The following MRPL21 variants were observed in gnomAD, a reference collection of about 807,000 sequenced individuals.
MRPL21 encodes large ribosomal subunit protein bL21m.
MRPL21 carries 20 observed loss-of-function variants against 27.3 expected under a neutral mutation model. The observed-to-expected ratio is 0.73, with a 90% confidence interval of 0.52 to 1.06. MRPL21 has a LOEUF of 1.06. Among genes scored for constraint, MRPL21 ranks in the 50% least tolerant of loss-of-function variants. The probability of loss-of-function intolerance (pLI) is 0.00; values close to 1 mark genes in which losing one functional copy is unlikely to be tolerated. For missense variants in MRPL21, 249 were observed against 251.4 expected (o/e 0.99, Z 0.06); for synonymous variants, 98 against 101.5 (o/e 0.97, Z 0.21).
rs1297591361 is a variant in MRPL21, at chr11:68,893,466, C to A, written c.397-11G>T. The A allele has an allele frequency of 2.5e-6, 4 of 1,614,176 alleles. No homozygotes were observed. Among genetic ancestry groups the A allele is most frequent in the Non-Finnish European group, 3.4e-6 (4 of 1,180,034 alleles). The stretch of plus-strand genomic sequence containing the variant: ...CCCAACCAGCAGGACCTGAAAAATT[C>A]AACAGGTGTGTTTCATCAGTGGCTC... On this transcript the variant is annotated splice_polypyrimidine_tract_variant and intron_variant, in intron 4 of 6. Transcript: ENST00000362034.
At chr11:68,891,834 C>T (rs989834165) in intron 6 of MRPL21, 13 of 469,264 alleles carry the variant, frequency 2.8e-5, no homozygotes, top group East Asian at 9.2e-5. Context: ...TGGTTTAGGC[C>T]GGCAACTGCA....
intron 2 of MRPL21, among the ~76,000 whole-genome samples, chr11:68,898,285 G>A (rs1002657770): frequency 6.6e-6 from 1 of 152,226 alleles, no homozygotes; most frequent in Non-Finnish European, 1.5e-5. Flanking sequence ...TCTCAGTGCT[G>A]GAAGGGTGCC....
In MRPL21 at chr11:68,900,474, G is replaced by A. The variant is rs576162699; in HGVS notation, c.146+74C>T. 206 of 1,305,974 alleles carry A rather than the reference G, an allele frequency of 1.6e-4. 2 individuals are homozygous for A. The South Asian group carries it at 1.9e-3, about 12-fold the overall frequency. 80.9% of individuals were successfully genotyped at this position (1,305,974 alleles called of 1,614,324 possible). ...AATATTATTGAGAACCAAAAGGTAG[G>A]AAGTTTTGACTTTAGAAAGATGGTT... On this transcript the variant is annotated intron_variant, in intron 2 of 6. Coordinates refer to ENST00000362034, the MANE Select transcript of MRPL21 (RefSeq NM_181514.2).
At chr11:68,892,050 G>C (rs187165340) in intron 6 of MRPL21, 8 of 1,289,910 alleles carry the variant, frequency 6.2e-6, no homozygotes, top group Non-Finnish European at 6.0e-6. Flanking sequence ...GGGGTCATGC[G>C]TGGAGGGTGG....
chr11:68,891,554 G>T, intron 6 of MRPL21, 159 bp from the exon 7 acceptor site: 5 of 715,128 alleles, frequency 7.0e-6, no homozygotes, highest in Non-Finnish European at 1.2e-5. Context: ...TGACTGCCTC[G>T]CTAGCTTGTT....
Position 68,900,487 on chromosome 11 carries a change from T to C in MRPL21, c.146+61A>G. 4 of 1,470,152 alleles carry C rather than the reference T, an allele frequency of 2.7e-6. No homozygotes were observed. In the South Asian group the frequency reaches 4.7e-5, roughly 17 times the overall value. 91.1% of individuals were successfully genotyped at this position (1,470,152 alleles called of 1,614,324 possible). ...ACCAAAAGGTAGGAAGTTTTGACTT[T>C]AGAAAGATGGTTCTACAAATGAAAG... On this transcript the variant is annotated intron_variant, in intron 2 of 6. Coordinates refer to ENST00000362034, the MANE Select transcript of MRPL21 (RefSeq NM_181514.2).
intron 1 of MRPL21, 133 bp downstream of exon 1, chr11:68,903,590 A>T: frequency 1.1e-6 from 1 of 911,484 alleles, no homozygotes. Context: ...CCGACTCCAA[A>T]ACCCGTGCTA....
intron 1 of MRPL21, among the ~76,000 whole-genome samples, chr11:68,902,806 T>C (rs189538615): frequency 7.2e-5 from 11 of 152,244 alleles, no homozygotes; most frequent in Non-Finnish European, 8.8e-5. Context: ...CTATTTATCC[T>C]TTTCTCCCCC....
chr11:68,899,702 T>A (rs570538008), intron 2 of MRPL21, among the ~76,000 whole-genome samples: 1 of 152,320 alleles, frequency 6.6e-6, no homozygotes, highest in East Asian at 1.9e-4. Context: ...CCTACCCACA[T>A]GCTCACTTAC....
chr11:68,900,882 T>G (rs995858868), intron 1 of MRPL21, among the ~76,000 whole-genome samples: 2 of 152,244 alleles, frequency 1.3e-5, no homozygotes, highest in Non-Finnish European at 2.9e-5. Context: ...CCTGGTAGGT[T>G]CAGACTCTGA....
At chr11:68,901,306 T>A (rs1234395346) in intron 1 of MRPL21, among the ~76,000 whole-genome samples, 2 of 152,190 alleles carry the variant, frequency 1.3e-5, no homozygotes, top group African/African-American at 4.8e-5. Flanking sequence ...TGCTTCTGTG[T>A]TCCTGGCTCT....
chr11:68,896,421 C>T (rs1019700373), intron 4 of MRPL21, 94 bp downstream of exon 4: 39 of 1,464,550 alleles, frequency 2.7e-5, no homozygotes, highest in Non-Finnish European at 3.2e-5. Context: ...GAGACGGGGT[C>T]GGCGAGGGTC....
Position 68,900,537 on chromosome 11 carries a change from T to C in MRPL21, c.146+11A>G. The stretch of plus-strand genomic sequence containing the variant: ...GGAAAAGAGGCACCAAAACCCACAT[T>C]TTGATATTACCCTGGTAGATATGAA... On this transcript the variant is annotated intron_variant, in intron 2 of 6. Coordinates refer to ENST00000362034, the MANE Select transcript of MRPL21 (RefSeq NM_181514.2). The C allele has an allele frequency of 6.2e-7, 1 of 1,612,626 alleles. No individual in the cohort carries two copies. The highest frequency in any genetic ancestry group is 8.5e-7 in the Non-Finnish European group (1 of 1,178,898).
At chr11:68,895,346 T>C (rs1344030438) in intron 4 of MRPL21, among the ~76,000 whole-genome samples, 2 of 152,054 alleles carry the variant, frequency 1.3e-5, no homozygotes, top group Non-Finnish European at 2.9e-5. Flanking sequence ...AGGCTAGAAA[T>C]GCCTAGCTAA....
intron 6 of MRPL21, 140 bp from the exon 7 acceptor site, chr11:68,891,535 G>GGT (rs1408612767): frequency 2.5e-6 from 2 of 803,446 alleles, no homozygotes; most frequent in African/African-American, 3.4e-5. Context: ...TTTATCTCCA[G>GGT]GTGTGCACTG....
chr11:68,891,908 TG>T, intron 6 of MRPL21: 1 of 502,618 alleles, frequency 2.0e-6, no homozygotes, highest in Non-Finnish European at 3.4e-6. Flanking sequence ...CCATGCCCCG[TG>T]GGTGCCATCC....
chr11:68,903,754 G>A lies in MRPL21; in HGVS notation c.57C>T (p.His19=). The A allele has an allele frequency of 6.2e-7, 1 of 1,613,208 alleles. No individual in the cohort carries two copies. Among genetic ancestry groups the A allele is most frequent in the Non-Finnish European group, 8.5e-7 (1 of 1,180,030 alleles). ...TLGRLASACS[H]SILRPSGPGA... ...CGGGCCCCGAAGGTCTCAGGATGCT[G>A]TGGCTGCACGCGGACGCCAGCCGCC... Residue 19 remains histidine, a synonymous_variant, in exon 1 of 7, where the codon CAC becomes CAT. Transcript: ENST00000362034.
rs371769914 is a variant in MRPL21, at chr11:68,903,790, C to T, written c.21G>A (p.Thr7=). Residue 7 remains threonine, a synonymous_variant, in exon 1 of 7, where the codon ACG becomes ACA. Coordinates refer to ENST00000362034, the MANE Select transcript of MRPL21 (RefSeq NM_181514.2). MAASSL[T]VTLGRLASAC... ...CGGACGCCAGCCGCCCTAAGGTGAC[C>T]GTCAGGGAAGATGCTGCCATGGCCG... The T allele has an allele frequency of 5.4e-5, 87 of 1,612,980 alleles. No individual in the cohort carries two copies. Among genetic ancestry groups the T allele is most frequent in the Non-Finnish European group, 6.8e-5 (80 of 1,180,020 alleles).
rs1168051714 is a variant in MRPL21, at chr11:68,903,756, G to A, written c.55C>T (p.His19Tyr). The A allele has an allele frequency of 6.2e-7, 1 of 1,613,068 alleles. No homozygotes were observed. The highest frequency in any genetic ancestry group is 8.5e-7 in the Non-Finnish European group (1 of 1,180,042). ...TLGRLASACS[H>Y]SILRPSGPGA... ...GGCCCCGAAGGTCTCAGGATGCTGT[G>A]GCTGCACGCGGACGCCAGCCGCCCT... is the stretch of plus-strand genomic sequence containing the variant. Residue 19 changes from histidine to tyrosine, a missense_variant, in exon 1 of 7, where the codon CAC (histidine) becomes TAC (tyrosine). Physicochemically the swap from His to Tyr is moderately conservative, Grantham distance 83. Transcript: ENST00000362034.
Sources: gnomAD v4.1 joint callset for allele counts (sites outside exome capture counted in the v4.1 genomes callset) on GRCh38, gnomAD v4.1.1 for gene constraint, MANE v1.5 for transcripts, NCBI Gene and HGNC (gene_info 2026-07-23, HGNC 2026-07-21) for gene names.